The following C11orf65 variants were observed in gnomAD, a reference collection of about 807,000 sequenced individuals.
The protein encoded by C11orf65 is chromosome 11 open reading frame 65.
C11orf65 carries 38 observed loss-of-function variants against 35.3 expected under a neutral mutation model. The observed-to-expected ratio is 1.08, with a 90% CI of 0.83 to 1.41. C11orf65 has a LOEUF of 1.41. C11orf65 is among the 40% of genes most tolerant of loss of function. The pLI is 0.00. For missense variants in C11orf65, 370 were observed against 367.1 expected, an observed-to-expected ratio of 1.01 and a Z score of -0.06; for synonymous variants, 105 against 114.4, an observed-to-expected ratio of 0.92 and a Z score of 0.53.
chr11:108,377,052 C>A (rs2091749113), intron 2 of C11orf65, among the ~76,000 whole-genome samples: 1 of 151,382 alleles, frequency 6.6e-6, no homozygotes, highest in South Asian at 2.1e-4. Flanking sequence ...ACCAGAGGTA[C>A]AAGGAGGAAC....
chr11:108,438,071 T>C (rs2093092219), intron 2 of C11orf65, among the ~76,000 whole-genome samples: 2 of 152,204 alleles, frequency 1.3e-5, no homozygotes, highest in Admixed American at 6.5e-5. Flanking sequence ...GCCAATGGAA[T>C]AGCATAGAGA....
intron 3 of C11orf65, among the ~76,000 whole-genome samples, chr11:108,409,989 T>C (rs987552660): frequency 6.6e-5 from 10 of 152,198 alleles, no homozygotes; most frequent in African/African-American, 2.4e-4. Context: ...CTAAGTTAAA[T>C]TGGTAAGTTA....
intron 6 of C11orf65, among the ~76,000 whole-genome samples, chr11:108,324,963 TAAAGATGGA>T (rs1371914125): frequency 6.6e-6 from 1 of 152,204 alleles, no homozygotes; most frequent in Non-Finnish European, 1.5e-5. Context: ...GAAGCAGGAC[TAAAGATGGA>T]GGCATTCTTT....
intron 2 of C11orf65, among the ~76,000 whole-genome samples, chr11:108,451,809 T>C (rs745434357): frequency 4.1e-4 from 62 of 152,140 alleles, no homozygotes; most frequent in Non-Finnish European, 5.9e-4. Flanking sequence ...AAAACAGAGA[T>C]ATAGATCAAT....
chr11:108,390,729 C>T (rs1195038321), intron 7 of C11orf65, among the ~76,000 whole-genome samples: 1 of 152,160 alleles, frequency 6.6e-6, no homozygotes, highest in Admixed American at 6.5e-5. Flanking sequence ...CTTTGTTTGG[C>T]TGTCATTTCT....
chr11:108,333,864 A>T, intron 3 of C11orf65: 3 of 1,564,524 alleles, frequency 1.9e-6, no homozygotes, highest in Non-Finnish European at 2.6e-6. Flanking sequence ...TGTCACTAAA[A>T]TCTCTTCATT....
At chr11:108,364,769 G>T (rs2091157550) in intron 2 of C11orf65, among the ~76,000 whole-genome samples, 1 of 152,110 alleles carries the variant, frequency 6.6e-6, no homozygotes, top group Non-Finnish European at 1.5e-5. Flanking sequence ...ACTAACCCAG[G>T]GTTAAGAGTA....
rs1555111886 is a variant in C11orf65 at position 108,312,475 on chromosome 11, G to A, written c.641-3404C>T. 1 of 1,579,972 alleles carries A rather than the reference G, an allele frequency of 6.3e-7. No homozygotes were observed. Among genetic ancestry groups the A allele is most frequent in the Non-Finnish European group, 8.7e-7 (1 of 1,149,314 alleles). On this transcript the variant is annotated intron_variant, in intron 6 of 6. Coordinates refer to the C11orf65 transcript ENST00000525729. ...TTCTAGCTTGAGTGAAAAAAGTAAA[G>A]AAGAAACTGGAATAAGTTTACAGGT... is the stretch of plus-strand genomic sequence containing the variant.
intron 2 of C11orf65, among the ~76,000 whole-genome samples, chr11:108,375,628 C>T (rs1370658624): frequency 5.9e-5 from 9 of 152,122 alleles, no homozygotes; most frequent in Non-Finnish European, 1.3e-4. Context: ...CAAATTCACA[C>T]ATAACAATAT....
chr11:108,393,645 T>G (rs922460331), intron 6 of C11orf65, among the ~76,000 whole-genome samples: 12 of 152,274 alleles, frequency 7.9e-5, no homozygotes, highest in African/African-American at 2.6e-4. Context: ...GTTATTAAAT[T>G]GTTGAATCTT....
intron 7 of C11orf65, among the ~76,000 whole-genome samples, chr11:108,389,069 C>T (rs576386054): frequency 1.3e-5 from 2 of 152,366 alleles, no homozygotes; most frequent in South Asian, 4.1e-4. Context: ...TATCAGTGTT[C>T]AAGGCATTTA....
intron 3 of C11orf65, 92 bp downstream of exon 3, chr11:108,431,654 A>C: frequency 3.0e-6 from 2 of 675,188 alleles, no homozygotes; most frequent in Non-Finnish European, 4.6e-6. Context: ...CAGTTTTAAA[A>C]AGAAACAAAT....
intron 6 of C11orf65, among the ~76,000 whole-genome samples, chr11:108,315,311 C>T (rs1388996418): frequency 1.3e-5 from 2 of 152,178 alleles, no homozygotes; most frequent in Non-Finnish European, 2.9e-5. Context: ...AATACTGCAT[C>T]TTTACATTTG....
chr11:108,430,897 AACAC>A (rs10588668), intron 3 of C11orf65, among the ~76,000 whole-genome samples: 4,479 of 143,672 alleles, frequency 0.031, 148 homozygotes, highest in African/African-American at 0.081. Context: ...AAGGATAGGG[AACAC>A]ACACACACAC....
intron 3 of C11orf65, among the ~76,000 whole-genome samples, chr11:108,420,858 T>G (rs1179553906): frequency 6.6e-6 from 1 of 152,084 alleles, no homozygotes; most frequent in Non-Finnish European, 1.5e-5. Context: ...CAAGTGATCC[T>G]CCTGCCTCAG....
chr11:108,407,997 T>TTTA (rs140542318), intron 3 of C11orf65, among the ~76,000 whole-genome samples: 46,199 of 139,250 alleles, frequency 0.33, 8,440 homozygotes, highest in Middle Eastern at 0.56. Flanking sequence ...TTAATTTCTT[T>TTTA]TTATTATTAT....
At position 108,326,225 on chromosome 11, in the gene C11orf65, GGTTT is replaced by G. The variant is rs1565521135; in HGVS notation, c.641-17158_641-17155del. On this transcript the variant is annotated intron_variant, in intron 6 of 6. Transcript: ENST00000525729. Reference sequence around the variant, plus strand: ...AGAAGTTGGATGCCAGCTGTGCAGCGGTTTGTTTTTTTTATTGGCTGGATTAGTG... The same window carrying G: ...AGAAGTTGGATGCCAGCTGTGCAGCGGTTTTTTTTATTGGCTGGATTAGTG... The G allele has an allele frequency of 1.9e-6, 3 of 1,613,700 alleles. No homozygotes were observed. The highest frequency in any genetic ancestry group is 2.5e-6 in the Non-Finnish European group (3 of 1,179,930).
At chr11:108,409,021 T>C (rs987622557) in intron 3 of C11orf65, among the ~76,000 whole-genome samples, 1 of 152,148 alleles carries the variant, frequency 6.6e-6, no homozygotes, top group African/African-American at 2.4e-5. Flanking sequence ...CATAATAATA[T>C]ATACACATTT....
chr11:108,338,109 G>T (rs2033064955), intron 2 of C11orf65, among the ~76,000 whole-genome samples: 1 of 152,268 alleles, frequency 6.6e-6, no homozygotes, highest in Non-Finnish European at 1.5e-5. Context: ...AGTACTTCAG[G>T]AGGCCGAGGT....
Sources: allele counts gnomAD v4.1 joint callset (sites outside exome capture counted in the v4.1 genomes callset), GRCh38; gene constraint gnomAD v4.1.1; transcripts MANE v1.5; gene names NCBI Gene and HGNC (gene_info 2026-07-23, HGNC 2026-07-21).